CUL4A: variants seen among roughly 807,000 people sequenced by gnomAD.
CUL4A encodes cullin-4A.
A neutral mutation model predicts 95.5 loss-of-function variants in CUL4A; 16 were observed. The observed-to-expected ratio is 0.17, with a 90% CI of 0.11 to 0.25. The LOEUF (loss-of-function observed/expected upper bound fraction) is 0.25. Ranked by LOEUF, CUL4A falls within the 10% of genes least tolerant of loss-of-function variation. The pLI, the probability that CUL4A is intolerant of heterozygous loss-of-function variation, is 1.00. For synonymous variants in CUL4A, 380 were observed against 353.1 expected, an observed-to-expected ratio of 1.08 and a Z score of -0.85; for missense variants, 610 against 937.0, an observed-to-expected ratio of 0.65 and a Z score of 4.56.
chr13:113,249,464 A>G (rs2041939394), intron 15 of CUL4A, among the ~76,000 whole-genome samples: 1 of 152,224 alleles, frequency 6.6e-6, no homozygotes. Context: ...ATAACATCAC[A>G]TTGTATCGAT....
At chr13:113,247,959 T>C (rs925299340) in intron 15 of CUL4A, among the ~76,000 whole-genome samples, 23 of 152,172 alleles carry the variant, frequency 1.5e-4, no homozygotes, top group Admixed American at 1.5e-3. Context: ...ATGCTCCCTG[T>C]GAGTAGGTTC....
chr13:113,220,642 A>G (rs1398014678), intron 3 of CUL4A, among the ~76,000 whole-genome samples: 4 of 152,044 alleles, frequency 2.6e-5, no homozygotes. Context: ...GATTGTTCCT[A>G]CTCTAGTTGC....
At chr13:113,241,098 C>T (rs1382183067) in intron 10 of CUL4A, among the ~76,000 whole-genome samples, 1 of 152,184 alleles carries the variant, frequency 6.6e-6, no homozygotes, top group Non-Finnish European at 1.5e-5. Flanking sequence ...CACCCCTCCC[C>T]ACAAGGTCTC....
In CUL4A at chr13:113,247,605, C is replaced by T. The variant is rs142331938; in HGVS notation, c.1638+1542C>T. On this transcript the variant is annotated intron_variant, in intron 15 of 19. Transcript: ENST00000375440. The stretch of plus-strand genomic sequence containing the variant: ...CCTTGGGGAAGAAGAGTTCTCATTC[C>T]AGGAGAACTTTGGGGGAGAAGGTGA... Among the ~76,000 whole-genome samples the T allele has an allele frequency of 8.5e-3, 1,287 of 152,244 alleles. 21 individuals carry two copies. Among genetic ancestry groups the T allele is most frequent in the African/African-American group, 0.03 (1,245 of 41,534 alleles).
intron 14 of CUL4A, among the ~76,000 whole-genome samples, 160 bp from the exon 15 acceptor site, chr13:113,245,796 C>T (rs1047595589): frequency 6.6e-6 from 1 of 152,118 alleles, no homozygotes; most frequent in African/African-American, 2.4e-5. Context: ...AAAAGGCAGT[C>T]CTAGTGAGGC....
In CUL4A at chr13:113,235,120, A is replaced by G. The variant is rs557746382; in HGVS notation, c.823A>G (p.Ile275Val). 5.6e-6 allele frequency: 9 copies of G among 1,613,452 alleles called. No homozygotes were observed. The highest frequency in any genetic ancestry group is 1.6e-4 in the Middle Eastern group (1 of 6,062). The change falls in exon 8 of 20, where the codon ATC (isoleucine) becomes GTC (valine). Residue 275 changes from isoleucine to valine, a missense_variant. Physicochemically the swap from Ile to Val is conservative, Grantham distance 29. Around this residue, in one of 10 missense-constraint regions of CUL4A, gnomAD observed 153 missense variants for 244.5 expected, o/e 0.63. Transcript: ENST00000375440. ...KRLEEEGDRV[I>V]TYLDHSTQKP... ...CTTAGAGGAAGAGGGAGACAGAGTAATCACTTACTTGGACCACAGCACACA... is the reference window on the plus strand; with the variant it reads ...CTTAGAGGAAGAGGGAGACAGAGTAGTCACTTACTTGGACCACAGCACACA...
intron 15 of CUL4A, among the ~76,000 whole-genome samples, chr13:113,250,144 C>G (rs2041957185): frequency 6.6e-6 from 1 of 152,044 alleles, no homozygotes; most frequent in Non-Finnish European, 1.5e-5. Context: ...GTCTGAGAAA[C>G]CATTGCCAAA....
At chr13:113,210,658 C>G (rs2040382462) in intron 2 of CUL4A, among the ~76,000 whole-genome samples, 1 of 152,204 alleles carries the variant, frequency 6.6e-6, no homozygotes, top group Non-Finnish European at 1.5e-5. Flanking sequence ...TTTTACCATA[C>G]TTGGATATTT....
intron 5 of CUL4A, chr13:113,229,926 G>A (rs1258540887): frequency 1.6e-5 from 7 of 427,966 alleles, no homozygotes; most frequent in East Asian, 7.0e-5. Flanking sequence ...TCAGCCTCCC[G>A]GCCTCCTGAG....
chr13:113,257,348 G>T (rs1432658396), intron 18 of CUL4A, among the ~76,000 whole-genome samples: 1 of 152,086 alleles, frequency 6.6e-6, no homozygotes, highest in Non-Finnish European at 1.5e-5. Context: ...GTGTAATGCT[G>T]TATTAGGCCA....
At chr13:113,251,689 G>A (rs2041998806) in intron 15 of CUL4A, among the ~76,000 whole-genome samples, 1 of 152,128 alleles carries the variant, frequency 6.6e-6, no homozygotes, top group African/African-American at 2.4e-5. Flanking sequence ...GTGAAGACGT[G>A]CCTGCTTTTT....
intron 17 of CUL4A, 46 bp downstream of exon 17, chr13:113,254,844 C>T (rs767669454): frequency 4.4e-6 from 7 of 1,590,250 alleles, no homozygotes; most frequent in African/African-American, 1.3e-5. Flanking sequence ...GTTCTTAAAG[C>T]ATGTATTTGT....
chr13:113,221,570 T>A (rs182134695), intron 3 of CUL4A, among the ~76,000 whole-genome samples: 1 of 152,100 alleles, frequency 6.6e-6, no homozygotes. Context: ...TTTTGTTTTT[T>A]TGTGTTATTT....
intron 10 of CUL4A, among the ~76,000 whole-genome samples, chr13:113,240,047 A>G (rs2041662372): frequency 6.6e-6 from 1 of 152,218 alleles, no homozygotes. Context: ...TGGCATCCCT[A>G]ACAAGCCCAG....
rs1470776620 is a variant in CUL4A at position 113,209,729 on chromosome 13, G to T, written c.102G>T (p.Pro34=). The T allele has an allele frequency of 1.2e-5, 14 of 1,161,956 alleles. No individual in the cohort carries two copies. Among genetic ancestry groups the T allele is most frequent in the Non-Finnish European group, 1.5e-5 (14 of 943,294 alleles). The allele number at this position is 1,161,956 out of a possible 1,614,324, so 72.0% of individuals were successfully genotyped here. ...CCCTGGCCGCCGCGCCCGCCAAGCC[G>T]GGGGGCGCGGGCGGCTCCAAGAAGC... ...PAALAAAPAK[P]GGAGGSKKLV... The change falls in exon 1 of 20, where the codon CCG becomes CCT. Residue 34 remains proline, a synonymous_variant. Transcript: ENST00000375440.
In CUL4A at chr13:113,247,951, G is replaced by T. The variant is rs150483797; in HGVS notation, c.1638+1888G>T. On this transcript the variant is annotated intron_variant, in intron 15 of 19. Transcript: ENST00000375440. Reference sequence around the variant, plus strand: ...GCCCAGGACCCAGGCGGCCTTCGATGCTCCCTGTGAGTAGGTTCAGGTTGG... The same window carrying T: ...GCCCAGGACCCAGGCGGCCTTCGATTCTCCCTGTGAGTAGGTTCAGGTTGG... Among the ~76,000 whole-genome samples, 313 of 152,266 alleles carry T rather than the reference G, an allele frequency of 2.1e-3. 1 individual carries two copies. Among genetic ancestry groups the T allele is most frequent in the African/African-American group, 7.1e-3 (297 of 41,548 alleles).
Position 113,265,704 on chromosome 13 carries a change from TAAAAG to T in CUL4A, c.*2126_*2130del, listed in dbSNP as rs2042386353. On this transcript the variant is annotated 3_prime_UTR_variant, in exon 20 of 20. Transcript: ENST00000375440. ...GCCCGGCCTGCCTGTTTCTGTTTTATAAAAGAAAGGAAAATCTATTTATATCTATT... is the reference window on the plus strand; with the variant it reads ...GCCCGGCCTGCCTGTTTCTGTTTTATAAAGGAAAATCTATTTATATCTATT... 1 of 152,236 alleles carries T rather than the reference TAAAAG, an allele frequency of 6.6e-6. No homozygotes were observed. The allele number at this position is 152,236 out of a possible 1,614,324, so 9.4% of individuals were successfully genotyped here. A position where few individuals can be genotyped will look rare whatever the true frequency, so the allele number is the denominator to read the frequency against.
At chr13:113,226,220 CTGTG>C (rs2041099868) in intron 3 of CUL4A, among the ~76,000 whole-genome samples, 1 of 152,234 alleles carries the variant, frequency 6.6e-6, no homozygotes, top group Non-Finnish European at 1.5e-5. Flanking sequence ...TTCCTCCTCT[CTGTG>C]TGTGAGGATG....
intron 15 of CUL4A, among the ~76,000 whole-genome samples, chr13:113,249,941 G>GT (rs1314388002): frequency 1.3e-5 from 2 of 152,284 alleles, no homozygotes; most frequent in Admixed American, 6.5e-5. Flanking sequence ...TAACCGGGCT[G>GT]TTTATCTTTT....
Sources: gnomAD v4.1 joint callset for allele counts (sites outside exome capture counted in the v4.1 genomes callset) on GRCh38, gnomAD v4.1.1 for gene constraint, gnomAD v4.1.1 regional missense constraint, MANE v1.5 for transcripts, NCBI Gene and HGNC (gene_info 2026-07-23, HGNC 2026-07-21) for gene names.